LRRC51: variants seen among roughly 807,000 people sequenced by gnomAD.
LRRC51 encodes leucine rich repeat containing 51.
Under a neutral mutation model 17.8 loss-of-function variants are expected in LRRC51, and 8 were observed. The ratio of observed to expected loss-of-function variants is 0.45; its 90% CI spans 0.26 to 0.81. The LOEUF (loss-of-function observed/expected upper bound fraction) is 0.81, where lower values mean the gene tolerates loss of function less well. LRRC51 is among the 30% of genes least tolerant of loss of function. LRRC51 has a pLI of 0.17. For synonymous variants in LRRC51, 92 were observed against 96.0 expected (o/e 0.96, Z 0.24); for missense variants, 233 against 239.3 (o/e 0.97, Z 0.17).
At chr11:72,087,965 C>T (rs1413989938) in intron 1 of LRRC51, among the ~76,000 whole-genome samples, 1 of 152,084 alleles carries the variant, frequency 6.6e-6, no homozygotes, top group Non-Finnish European at 1.5e-5. Context: ...TTATTGTAAA[C>T]CTGAAATCCT....
intron 1 of LRRC51, among the ~76,000 whole-genome samples, chr11:72,088,051 G>A (rs993715026): frequency 2.0e-5 from 3 of 152,148 alleles, no homozygotes; most frequent in Non-Finnish European, 2.9e-5. Context: ...AGGGGAGGTC[G>A]ACTGGGGCAA....
chr11:72,095,537 G>A lies in LRRC51; in HGVS notation c.*17G>A. On this transcript the variant is annotated 3_prime_UTR_variant, in exon 6 of 6. Coordinates refer to ENST00000289488, the MANE Select transcript of LRRC51 (RefSeq NM_145309.6). The stretch of plus-strand genomic sequence containing the variant: ...ACACTTTGAGGCTCCCACGACCCTA[G>A]TAGTCCTAAAGGCCTAAGCATAGAC... 6.2e-7 allele frequency: 1 copy of A among 1,612,400 alleles called. No homozygotes were observed. Among genetic ancestry groups the A allele is most frequent in the Non-Finnish European group, 8.5e-7 (1 of 1,179,144 alleles).
At chr11:72,092,877 T>A (rs1169789162) in intron 3 of LRRC51, among the ~76,000 whole-genome samples, 2 of 152,248 alleles carry the variant, frequency 1.3e-5, no homozygotes, top group Admixed American at 6.5e-5. Flanking sequence ...GCCTCTCTTC[T>A]GTGCTGCTAC....
intron 3 of LRRC51, among the ~76,000 whole-genome samples, chr11:72,090,178 CTTTA>C: frequency 6.6e-6 from 1 of 152,292 alleles, no homozygotes; most frequent in Non-Finnish European, 1.5e-5. Context: ...CTGCTGTGAT[CTTTA>C]TTGTGCACTG....
At chr11:72,094,567 C>T (rs1048641980) in intron 4 of LRRC51, 4 of 617,278 alleles carry the variant, frequency 6.5e-6, no homozygotes, top group African/African-American at 5.5e-5. Flanking sequence ...CTCAATTTAA[C>T]CAGTATTTTA....
rs1944661549 is a variant in LRRC51, at chr11:72,088,350, C to T, written c.-86C>T. Reference sequence around the variant, plus strand: ...TCCCTGAACCCACAGGAATGAATGCCTAATGGTGGAGTTTCAGCCATCAGT... The same window carrying T: ...TCCCTGAACCCACAGGAATGAATGCTTAATGGTGGAGTTTCAGCCATCAGT... On this transcript the variant is annotated 5_prime_UTR_variant, in exon 2 of 6. Coordinates refer to ENST00000289488, the MANE Select transcript of LRRC51 (RefSeq NM_145309.6). 1 of 702,578 alleles carries T rather than the reference C, an allele frequency of 1.4e-6. No individual in the cohort carries two copies. Among genetic ancestry groups the T allele is most frequent in the Middle Eastern group, 2.3e-4 (1 of 4,368 alleles). The allele number at this position is 702,578 out of a possible 1,614,324, so 43.5% of individuals were successfully genotyped here. A position where few individuals can be genotyped will look rare whatever the true frequency, so the allele number is the denominator to read the frequency against.
chr11:72,085,765 T>C (rs1944495669), intron 1 of LRRC51: 1 of 152,552 alleles, frequency 6.6e-6, no homozygotes, highest in African/African-American at 2.4e-5. Context: ...CTGCTTTGGC[T>C]GGGCTTACTC....
intron 1 of LRRC51, among the ~76,000 whole-genome samples, chr11:72,084,861 C>CGTGTGT (rs55904624): frequency 5.3e-4 from 66 of 124,312 alleles, no homozygotes; most frequent in African/African-American, 1.8e-3. Flanking sequence ...AAAAGAAAAC[C>CGTGTGT]GTGTGTGTGT....
At chr11:72,094,067 A>T (rs940437293) in intron 4 of LRRC51, among the ~76,000 whole-genome samples, 2 of 152,158 alleles carry the variant, frequency 1.3e-5, no homozygotes, top group Non-Finnish European at 2.9e-5. Context: ...GGTGGATCAC[A>T]AGGTCAAGAG....
rs181100604 is a variant in LRRC51 at position 72,094,989 on chromosome 11, C to T, written c.330C>T (p.His110=). The change falls in exon 5 of 6, where the codon CAC becomes CAT. Residue 110 remains histidine (H), a synonymous_variant. Transcript: ENST00000289488. ...TCAACCTGAGTGTCCTCTATCTTCA[C>T]GGCAACAGCATCCAGCGCCTGGGGG... ...TFFNLSVLYL[H]GNSIQRLGEV... is the part of the protein sequence containing the mutation. The T allele has an allele frequency of 7.0e-5, 113 of 1,614,050 alleles. No homozygotes were observed. In the Middle Eastern group the frequency reaches 8.2e-4, roughly 12 times the overall value.
rs1591139881 is a variant in LRRC51 at position 72,087,323 on chromosome 11, C to T, written c.-139-974C>T. Among the ~76,000 whole-genome samples, 5 of 132,914 alleles carry T rather than the reference C, an allele frequency of 3.8e-5. No individual in the cohort carries two copies. The South Asian group carries it at 1.2e-3, about 32-fold the overall frequency. 87.2% of individuals were successfully genotyped at this position (132,914 alleles called of 152,430 possible). Reference sequence around the variant, plus strand: ...TTTTTTTTTTTTTTTTTTCCTGAGACAGGGTCTACAGGGTCTTGCTCTGTC... The same window carrying T: ...TTTTTTTTTTTTTTTTTTCCTGAGATAGGGTCTACAGGGTCTTGCTCTGTC... On this transcript the variant is annotated intron_variant, in intron 1 of 5. Coordinates refer to ENST00000289488, the MANE Select transcript of LRRC51 (RefSeq NM_145309.6).
At chr11:72,090,499 G>A (rs1944795874) in intron 3 of LRRC51, among the ~76,000 whole-genome samples, 1 of 152,174 alleles carries the variant, frequency 6.6e-6, no homozygotes, top group Non-Finnish European at 1.5e-5. Context: ...GTGTGTGTGT[G>A]TGCGTCATAT....
intron 3 of LRRC51, among the ~76,000 whole-genome samples, chr11:72,092,964 A>G (rs914065607): frequency 1.3e-5 from 2 of 152,190 alleles, no homozygotes; most frequent in South Asian, 4.1e-4. Flanking sequence ...CCAAGGCACA[A>G]ATGTCTGCTC....
chr11:72,084,889 T>C (rs1944445658), intron 1 of LRRC51, among the ~76,000 whole-genome samples: 1 of 125,134 alleles, frequency 8.0e-6, no homozygotes, highest in Non-Finnish European at 1.7e-5. Context: ...TGTGTGTGTG[T>C]GTGTGTGTGT....
chr11:72,082,229 C>A (rs1253073403), intron 1 of LRRC51, among the ~76,000 whole-genome samples: 1 of 152,198 alleles, frequency 6.6e-6, no homozygotes, highest in East Asian at 1.9e-4. Flanking sequence ...TTTAACTAAA[C>A]AGGAAACAGA....
chr11:72,088,622 A>C lies in LRRC51; in HGVS notation c.-56+242A>C, dbSNP rs670802. 516,551 of 570,294 alleles carry C rather than the reference A, an allele frequency of 0.91. 235,000 individuals carry two copies. The highest frequency in any genetic ancestry group is 0.95 in the Non-Finnish European group (303,145 of 320,612). 35.3% of individuals were successfully genotyped at this position (570,294 alleles called of 1,614,324 possible). A position where few individuals can be genotyped will look rare whatever the true frequency, so the allele number is the denominator to read the frequency against. On this transcript the variant is annotated intron_variant, in intron 2 of 5. Transcript: ENST00000289488. ...CAATAGAATAGCCCAGTTGATGTCA[A>C]CAGAGGGTGGGTATCAAGACAGTCT...
chr11:72,084,479 A>G (rs1669701537), intron 1 of LRRC51, among the ~76,000 whole-genome samples: 1 of 152,244 alleles, frequency 6.6e-6, no homozygotes, highest in Non-Finnish European at 1.5e-5. Flanking sequence ...AAAAAGGGTA[A>G]TAGTCTACAA....
chr11:72,095,216 G>C (rs902291800), intron 5 of LRRC51, 120 bp downstream of exon 5: 2 of 1,559,576 alleles, frequency 1.3e-6, no homozygotes, highest in African/African-American at 2.7e-5. Context: ...GGGAGTAACA[G>C]ACCTCTAAGC....
At position 72,094,878 on chromosome 11, in the gene LRRC51, G is replaced by A. The variant is rs1283332125; in HGVS notation, c.289-70G>A. 17 of 1,613,968 alleles carry A rather than the reference G, an allele frequency of 1.1e-5. No homozygotes were observed. The Admixed American group carries it at 1.5e-4, about 14-fold the overall frequency. ...CCCACATTCTTCCTTCTCTGCCCAC[G>A]AGTCAGCCCTGAGCAGAGATTCAGG... On this transcript the variant is annotated intron_variant, in intron 4 of 5. Transcript: ENST00000289488.
Sources: allele counts gnomAD v4.1 joint callset (sites outside exome capture counted in the v4.1 genomes callset), GRCh38; gene constraint gnomAD v4.1.1; transcripts MANE v1.5; gene names NCBI Gene and HGNC (gene_info 2026-07-23, HGNC 2026-07-21).